The following PCDHGB5 variants were observed in gnomAD, a reference collection of about 807,000 sequenced individuals.
PCDHGB5 encodes protocadherin gamma subfamily B, 5.
Under a neutral mutation model 62.9 loss-of-function variants are expected in PCDHGB5, and 48 were observed. The observed-to-expected ratio is 0.76, with a 90% CI of 0.61 to 0.97. The LOEUF (loss-of-function observed/expected upper bound fraction) is 0.97, where lower values mean the gene tolerates loss of function less well. Ranked by LOEUF, PCDHGB5 falls within the 50% of genes least tolerant of loss-of-function variation. PCDHGB5 has a pLI of 0.00. For synonymous variants in PCDHGB5, 474 were observed against 511.2 expected (o/e 0.93, Z 0.98); for missense variants, 1,118 against 1,198.6 (o/e 0.93, Z 0.99).
In PCDHGB5 at chr5:141,414,189, G is replaced by C. The variant is rs1674006167; in HGVS notation, c.2397+13665G>C. ...CATATCTTGCAACTGCAAAAGTGTT[G>C]ATTACAGTAGAAGATGTAAATGACA... On this transcript the variant is annotated intron_variant, in intron 1 of 3. Transcript: ENST00000617380. 3.1e-6 allele frequency: 5 copies of C among 1,609,966 alleles called. No homozygotes were observed. The highest frequency in any genetic ancestry group is 3.4e-6 in the Non-Finnish European group (4 of 1,177,924).
Position 141,399,764 on chromosome 5 carries a change from T to C in PCDHGB5, c.1637T>C (p.Val546Ala). Residue 546 changes from valine to alanine, a missense_variant, in exon 1 of 4, where the codon GTG becomes GCG. Physicochemically the swap from Val to Ala is moderately conservative, Grantham distance 64 (BLOSUM62 0). This residue lies in a region of PCDHGB5 where 1,034 missense variants were observed against 1,029.1 expected (regional missense o/e 1.00). Transcript: ENST00000617380. ...PALSANVSLR[V>A]LVGDRNDNAP... ...CTCAGCGCAAACGTGAGCCTGCGCG[T>C]GTTGGTGGGCGACCGAAACGACAAC... The C allele has an allele frequency of 6.2e-7, 1 of 1,613,252 alleles. No individual in the cohort carries two copies. The highest frequency in any genetic ancestry group is 8.5e-7 in the Non-Finnish European group (1 of 1,179,776).
At chr5:141,422,345 A>G in intron 1 of PCDHGB5, 1 of 1,551,648 alleles carries the variant, frequency 6.4e-7, no homozygotes, top group South Asian at 1.3e-5. Context: ...CTAAATGTGC[A>G]AGATCAAGAT....
intron 1 of PCDHGB5, chr5:141,479,186 T>C (rs956575218): frequency 3.3e-5 from 5 of 152,590 alleles, no homozygotes; most frequent in Admixed American, 3.3e-4. Flanking sequence ...GCTAGAAAAT[T>C]CAGAAAATAC....
At chr5:141,421,955 T>A in intron 1 of PCDHGB5, 1 of 1,612,914 alleles carries the variant, frequency 6.2e-7, no homozygotes, top group South Asian at 1.1e-5. Context: ...ATCCCAATGT[T>A]TACACAGTCC....
In PCDHGB5 at chr5:141,432,770, G is replaced by A. The variant is rs930442281; in HGVS notation, c.2397+32246G>A. The A allele has an allele frequency of 6.2e-7, 1 of 1,614,128 alleles. No individual in the cohort carries two copies. On this transcript the variant is annotated intron_variant, in intron 1 of 3. Coordinates refer to ENST00000617380, the MANE Select transcript of PCDHGB5 (RefSeq NM_018925.3). This position sits in a 1 kb window ranked among gnomAD's most constrained non-coding sequence, Gnocchi z 6.0. ...GGCCGTGGCCGACAGCATCCCCCAAGTCCTGGCGGACCTCGGCAGCCTCGA... is the reference window on the plus strand; with the variant it reads ...GGCCGTGGCCGACAGCATCCCCCAAATCCTGGCGGACCTCGGCAGCCTCGA...
rs762926348 is a variant in PCDHGB5, at chr5:141,408,364, A to C, written c.2397+7840A>C. ...TGGTGGGGAACCTCGCTAAGGATCTAGGGCTCAGTGTCCTGGATGTGTCGG... is the reference window on the plus strand; with the variant it reads ...TGGTGGGGAACCTCGCTAAGGATCTCGGGCTCAGTGTCCTGGATGTGTCGG... On this transcript the variant is annotated intron_variant, in intron 1 of 3. Transcript: ENST00000617380. 3.7e-6 allele frequency: 6 copies of C among 1,613,960 alleles called. No individual in the cohort carries two copies. In the East Asian group the frequency reaches 1.3e-4, roughly 36 times the overall value.
chr5:141,487,661 C>A lies in PCDHGB5; in HGVS notation c.2398-7146C>A. ...ACAAATGCTTGAGGGTTATTCTGATCCAGGCATATGGCTAGGCCATGTCCT... is the reference window on the plus strand; with the variant it reads ...ACAAATGCTTGAGGGTTATTCTGATACAGGCATATGGCTAGGCCATGTCCT... On this transcript the variant is annotated intron_variant, in intron 1 of 3. Transcript: ENST00000617380. This position sits in a 1 kb window ranked among gnomAD's most constrained non-coding sequence, Gnocchi z 5.0. The A allele has an allele frequency of 6.2e-7, 1 of 1,613,366 alleles. No homozygotes were observed. Among genetic ancestry groups the A allele is most frequent in the Non-Finnish European group, 8.5e-7 (1 of 1,179,646 alleles).
At chr5:141,488,273 C>A (rs1411817846) in intron 1 of PCDHGB5, among the ~76,000 whole-genome samples, 6 of 152,256 alleles carry the variant, frequency 3.9e-5, no homozygotes, top group East Asian at 1.9e-4. Flanking sequence ...TTGGTCATCA[C>A]CTTTGGAAAA....
intron 1 of PCDHGB5, among the ~76,000 whole-genome samples, chr5:141,445,007 G>A (rs771023003): frequency 1.5e-4 from 23 of 151,994 alleles, no homozygotes; most frequent in Non-Finnish European, 2.4e-4. Flanking sequence ...ATTTAATTAG[G>A]TCTTTAATTT....
In PCDHGB5 at chr5:141,491,835, G is replaced by C; in HGVS notation, c.2398-2972G>C. On this transcript the variant is annotated intron_variant, in intron 1 of 3. Coordinates refer to ENST00000617380, the MANE Select transcript of PCDHGB5 (RefSeq NM_018925.3). The surrounding 1 kb of genome is among the most constrained non-coding windows in gnomAD (Gnocchi z 6.9). The stretch of plus-strand genomic sequence containing the variant: ...GCTGGCTGCGCTCCACCCGATTCTC[G>C]GGATCATTGGACCGTTTGCGCGAAA... 1 of 1,473,258 alleles carries C rather than the reference G, an allele frequency of 6.8e-7. No individual in the cohort carries two copies. The highest frequency in any genetic ancestry group is 9.0e-7 in the Non-Finnish European group (1 of 1,112,098). The allele number at this position is 1,473,258 out of a possible 1,614,324, so 91.3% of individuals were successfully genotyped here.
intron 1 of PCDHGB5, chr5:141,414,585 C>CA: frequency 6.2e-7 from 1 of 1,613,968 alleles, no homozygotes; most frequent in East Asian, 2.2e-5. Flanking sequence ...AGAACAACGC[C>CA]AGGGGTGCCT....
At chr5:141,420,474 C>T in intron 1 of PCDHGB5, 1 of 677,328 alleles carries the variant, frequency 1.5e-6, no homozygotes, top group Non-Finnish European at 2.1e-6. Context: ...CATTTTAAAG[C>T]AAACTACATG....
intron 1 of PCDHGB5, chr5:141,423,735 G>A (rs2096770441): frequency 1.3e-6 from 1 of 777,372 alleles, no homozygotes; most frequent in African/African-American, 2.5e-5. Context: ...TTTTGAGCCT[G>A]TTATGAAAAC....
intron 1 of PCDHGB5, chr5:141,408,397 G>T: frequency 6.2e-7 from 1 of 1,614,068 alleles, no homozygotes; most frequent in Non-Finnish European, 8.5e-7. Context: ...CGGCTCGCAA[G>T]CTGCGAGTGA....
intron 1 of PCDHGB5, among the ~76,000 whole-genome samples, chr5:141,433,465 C>T (rs1386201581): frequency 6.6e-6 from 1 of 152,060 alleles, no homozygotes; most frequent in Non-Finnish European, 1.5e-5. Context: ...GAAACTTGGG[C>T]TCAGGCTAGC....
intron 1 of PCDHGB5, among the ~76,000 whole-genome samples, chr5:141,456,854 T>C (rs924765803): frequency 7.2e-5 from 11 of 151,950 alleles, no homozygotes; most frequent in Non-Finnish European, 1.3e-4. Context: ...TCCCAGCTAA[T>C]TGGGAGGCTG....
At chr5:141,488,159 C>T (rs888153570) in intron 1 of PCDHGB5, among the ~76,000 whole-genome samples, 1 of 152,126 alleles carries the variant, frequency 6.6e-6, no homozygotes, top group Non-Finnish European at 1.5e-5. Flanking sequence ...GAGAGGCACG[C>T]ATCAGAGTGG....
At chr5:141,415,123 G>T (rs1349224471) in intron 1 of PCDHGB5, 3 of 1,613,540 alleles carry the variant, frequency 1.9e-6, no homozygotes. Flanking sequence ...CGTAGTGGCC[G>T]TCCAGGACCA....
intron 1 of PCDHGB5, chr5:141,410,023 C>A: frequency 6.2e-7 from 1 of 1,613,310 alleles, no homozygotes; most frequent in South Asian, 1.1e-5. Context: ...TGTCCTACCA[C>A]GTGCTGCAGG....
Sources: gnomAD v4.1 joint callset for allele counts (sites outside exome capture counted in the v4.1 genomes callset) on GRCh38, gnomAD v4.1.1 for gene constraint, gnomAD v4.1.1 regional missense constraint, Gnocchi (gnomAD v3.1) non-coding constraint, MANE v1.5 for transcripts, NCBI Gene and HGNC (gene_info 2026-07-23, HGNC 2026-07-21) for gene names.